Variants in PPARGC1A observed in about 807,000 individuals in gnomAD.
PPARGC1A encodes PPARG coactivator 1 alpha, also known as peroxisome proliferator-activated receptor gamma coactivator 1-alpha.
A neutral mutation model predicts 88.7 loss-of-function variants in PPARGC1A; 25 were observed. The observed-to-expected ratio is 0.28, with a 90% confidence interval of 0.21 to 0.39. The LOEUF (loss-of-function observed/expected upper bound fraction) is 0.39. PPARGC1A is among the 10% of genes least tolerant of loss of function. PPARGC1A has a pLI of 1.00. For synonymous variants in PPARGC1A, 363 were observed against 355.6 expected, an observed-to-expected ratio of 1.02 and a Z score of -0.24; for missense variants, 880 against 968.7, an observed-to-expected ratio of 0.91 and a Z score of 1.22.
chr4:24,241,693 G>A, the PPARGC1A span, among the ~76,000 whole-genome samples: 1 of 152,210 alleles, frequency 6.6e-6, no homozygotes, highest in East Asian at 1.9e-4. Context: ...AAACATCTGC[G>A]AGAATAAGCA....
the PPARGC1A span, among the ~76,000 whole-genome samples, chr4:23,936,847 G>A: frequency 6.6e-6 from 1 of 152,100 alleles, no homozygotes; most frequent in Non-Finnish European, 1.5e-5. Context: ...TCCAGCCTTG[G>A]TGACAGAGTG....
At chr4:24,059,456 A>T in the PPARGC1A span, among the ~76,000 whole-genome samples, 5 of 152,192 alleles carry the variant, frequency 3.3e-5, no homozygotes, top group Admixed American at 1.3e-4. Flanking sequence ...ACATTCCTCT[A>T]AAGAAGTGAG....
the PPARGC1A span, among the ~76,000 whole-genome samples, chr4:24,078,646 T>A: frequency 6.6e-6 from 1 of 152,100 alleles, no homozygotes; most frequent in Non-Finnish European, 1.5e-5. Flanking sequence ...TTATGAGCAT[T>A]TCCAGAATTT....
chr4:24,117,106 T>C, the PPARGC1A span, among the ~76,000 whole-genome samples: 1 of 152,268 alleles, frequency 6.6e-6, no homozygotes, highest in Non-Finnish European at 1.5e-5. Context: ...GGATTACATT[T>C]GTACTGAGCA....
At chr4:24,469,817 C>G in the PPARGC1A span, among the ~76,000 whole-genome samples, 3 of 152,134 alleles carry the variant, frequency 2.0e-5, no homozygotes, top group East Asian at 5.8e-4. Context: ...GCAAATGGTT[C>G]TCTCTTTCCT....
intron 8 of PPARGC1A, 67 bp downstream of exon 8, chr4:23,813,617 TTATTTG>T: frequency 7.4e-7 from 1 of 1,353,904 alleles, no homozygotes. Context: ...TTTCAAATTT[TTATTTG>T]TATTTTATTT....
chr4:23,927,524 A>G, the PPARGC1A span, among the ~76,000 whole-genome samples: 2 of 152,186 alleles, frequency 1.3e-5, no homozygotes, highest in African/African-American at 4.8e-5. Context: ...AAATCAGTCA[A>G]ATTTAAGCTT....
chr4:24,323,057 A>C, the PPARGC1A span, among the ~76,000 whole-genome samples: 1 of 152,182 alleles, frequency 6.6e-6, no homozygotes, highest in African/African-American at 2.4e-5. Context: ...CTGCTGAATA[A>C]ATTCTGGGTG....
At chr4:24,376,025 G>GAA in the PPARGC1A span, among the ~76,000 whole-genome samples, 51,902 of 148,874 alleles carry the variant, frequency 0.35, 9,140 homozygotes, top group South Asian at 0.39. Flanking sequence ...ATTGCACCAA[G>GAA]AAAAAAAAAA....
At chr4:23,945,653 C>G in the PPARGC1A span, among the ~76,000 whole-genome samples, 3 of 152,256 alleles carry the variant, frequency 2.0e-5, no homozygotes, top group African/African-American at 7.2e-5. Flanking sequence ...ACGGCATGAG[C>G]AAAACCACAG....
the PPARGC1A span, among the ~76,000 whole-genome samples, chr4:24,225,918 G>T: frequency 1.3e-5 from 2 of 151,878 alleles, no homozygotes; most frequent in African/African-American, 2.4e-5. Context: ...ACTGAGAATG[G>T]GACCAAATGA....
the PPARGC1A span, among the ~76,000 whole-genome samples, chr4:23,998,450 C>T: frequency 6.6e-6 from 1 of 151,702 alleles, no homozygotes; most frequent in Non-Finnish European, 1.5e-5. Context: ...TTTTAGCCAT[C>T]ATGTTTCTAC....
At chr4:23,823,592 A>AATGTATTTAAGAAATAGTGTT (rs1723397635) in intron 7 of PPARGC1A, among the ~76,000 whole-genome samples, 1 of 152,050 alleles carries the variant, frequency 6.6e-6, no homozygotes, top group Non-Finnish European at 1.5e-5. Flanking sequence ...TGTAAGTTAT[A>AATGTATTTAAGAAATAGTGTT]ATGTATTTAA....
chr4:24,292,429 G>A, the PPARGC1A span, among the ~76,000 whole-genome samples: 1 of 151,716 alleles, frequency 6.6e-6, no homozygotes, highest in Non-Finnish European at 1.5e-5. Flanking sequence ...CTTTCCTGGA[G>A]AAGCATCAGG....
chr4:23,834,326 C>T (rs1725622157), intron 2 of PPARGC1A, among the ~76,000 whole-genome samples: 1 of 151,244 alleles, frequency 6.6e-6, no homozygotes, highest in Admixed American at 6.6e-5. Flanking sequence ...TATACACACA[C>T]ACATATATAT....
At chr4:24,039,350 A>G in the PPARGC1A span, among the ~76,000 whole-genome samples, 1 of 152,152 alleles carries the variant, frequency 6.6e-6, no homozygotes, top group Non-Finnish European at 1.5e-5. Flanking sequence ...CGAGAAATAT[A>G]ATGTCTGCAT....
chr4:23,884,962 A>G (rs773752794), intron 1 of PPARGC1A, 31 bp from the exon 2 acceptor site: 2 of 1,509,794 alleles, frequency 1.3e-6, no homozygotes, highest in East Asian at 2.3e-5. Context: ...AAATTTAAAA[A>G]AGCTTCCATT....
chr4:24,044,622 C>T, the PPARGC1A span, among the ~76,000 whole-genome samples: 2 of 152,102 alleles, frequency 1.3e-5, no homozygotes, highest in African/African-American at 2.4e-5. Flanking sequence ...TTGAACTGCT[C>T]TGCGATATTT....
chr4:24,422,931 C>T, the PPARGC1A span, among the ~76,000 whole-genome samples: 1 of 152,044 alleles, frequency 6.6e-6, no homozygotes, highest in Non-Finnish European at 1.5e-5. Context: ...CATCCCATGC[C>T]GATTCACTAA....
Sources: allele counts gnomAD v4.1 joint callset (sites outside exome capture counted in the v4.1 genomes callset), GRCh38; gene constraint gnomAD v4.1.1; transcripts MANE v1.5; gene names NCBI Gene and HGNC (gene_info 2026-07-23, HGNC 2026-07-21).